Variants in ARHGAP10 observed in about 807,000 individuals in gnomAD.
The protein encoded by ARHGAP10 is Rho GTPase activating protein 10.
A neutral mutation model predicts 108.6 loss-of-function variants in ARHGAP10; 87 were observed. That is an observed-to-expected ratio of 0.80 (90% CI 0.67 to 0.96). The LOEUF (loss-of-function observed/expected upper bound fraction) is 0.96, where lower values mean the gene tolerates loss of function less well. ARHGAP10 is among the 40% of genes least tolerant of loss of function. The pLI is 0.00. For synonymous variants in ARHGAP10, 347 were observed against 341.1 expected (o/e 1.02, Z -0.19); for missense variants, 939 against 954.5 (o/e 0.98, Z 0.21).
intron 18 of ARHGAP10, among the ~76,000 whole-genome samples, chr4:148,018,572 CAA>C (rs397995742): frequency 2.3e-4 from 17 of 75,396 alleles, no homozygotes; most frequent in African/African-American, 2.3e-4. Context: ...TTTGTATCCA[CAA>C]AAAAAAAAAA....
At chr4:148,019,271 C>A (rs1252805198) in intron 18 of ARHGAP10, among the ~76,000 whole-genome samples, 1 of 152,162 alleles carries the variant, frequency 6.6e-6, no homozygotes, top group East Asian at 1.9e-4. Context: ...GGTCTGAATT[C>A]ATTTTTGTAA....
chr4:147,767,194 A>G lies in ARHGAP10; in HGVS notation c.154+34739A>G, dbSNP rs181366745. Among the ~76,000 whole-genome samples, 87 of 152,240 alleles carry G rather than the reference A, an allele frequency of 5.7e-4. 1 individual carries two copies. Among genetic ancestry groups the G allele is most frequent in the Admixed American group, 4.6e-4 (7 of 15,284 alleles). On this transcript the variant is annotated intron_variant, in intron 1 of 22. Transcript: ENST00000336498. The stretch of plus-strand genomic sequence containing the variant: ...AATCCAGCAGCAAAGAAATCTGTTC[A>G]GCTTTGTTTAAACCCATCAGTTCCT...
At chr4:147,840,338 T>G (rs983306912) in intron 3 of ARHGAP10, among the ~76,000 whole-genome samples, 1 of 152,092 alleles carries the variant, frequency 6.6e-6, no homozygotes, top group Non-Finnish European at 1.5e-5. Context: ...CAGTACCCAT[T>G]TAAATATTTA....
chr4:148,064,371 T>C, intron 21 of ARHGAP10, 45 bp from the exon 22 acceptor site: 1 of 1,585,822 alleles, frequency 6.3e-7, no homozygotes, highest in Non-Finnish European at 8.6e-7. Flanking sequence ...TTCTCTCTGT[T>C]TTCCACATTT....
intron 13 of ARHGAP10, among the ~76,000 whole-genome samples, chr4:147,933,364 G>A (rs1267527712): frequency 3.3e-5 from 5 of 152,174 alleles, no homozygotes; most frequent in Non-Finnish European, 7.3e-5. Flanking sequence ...AAGTAGCTGG[G>A]ATTACAGGCA....
chr4:147,770,915 G>A (rs1280726455), intron 1 of ARHGAP10, among the ~76,000 whole-genome samples: 4 of 152,162 alleles, frequency 2.6e-5, no homozygotes, highest in Admixed American at 1.3e-4. Flanking sequence ...GGTTTCCTCT[G>A]AGGCACCTCT....
chr4:148,055,919 T>G (rs1379246796), intron 20 of ARHGAP10, among the ~76,000 whole-genome samples: 1 of 152,032 alleles, frequency 6.6e-6, no homozygotes, highest in Non-Finnish European at 1.5e-5. Context: ...CCATCCGAAT[T>G]GTCTTCATCT....
rs1370755135 is a variant in ARHGAP10, at chr4:147,832,135, C to T, written c.312+9178C>T. Among the ~76,000 whole-genome samples the T allele has an allele frequency of 2.0e-5, 3 of 152,050 alleles. No homozygotes were observed. The East Asian group carries it at 5.8e-4, about 29-fold the overall frequency. ...ACACACAAGGGACCCTAGAATGTAA[C>T]CAGCCCATTTAATTGTCTAATCCAG... On this transcript the variant is annotated intron_variant, in intron 3 of 22. Coordinates refer to ENST00000336498, the MANE Select transcript of ARHGAP10 (RefSeq NM_024605.4).
At chr4:147,903,083 T>G (rs1263177182) in intron 10 of ARHGAP10, among the ~76,000 whole-genome samples, 2 of 152,150 alleles carry the variant, frequency 1.3e-5, no homozygotes, top group East Asian at 3.9e-4. Flanking sequence ...TACATGAGAT[T>G]TGGGTGGGGA....
intron 20 of ARHGAP10, among the ~76,000 whole-genome samples, chr4:148,058,491 C>A (rs1317625955): frequency 6.6e-6 from 1 of 152,186 alleles, no homozygotes; most frequent in Non-Finnish European, 1.5e-5. Flanking sequence ...CTGCCCAAAG[C>A]CTGACCTGTG....
intron 5 of ARHGAP10, chr4:147,860,940 A>G (rs550162002): frequency 6.6e-6 from 1 of 152,390 alleles, no homozygotes; most frequent in Admixed American, 6.5e-5. Flanking sequence ...TTGGACGTCC[A>G]TGGCATTCTT....
chr4:147,750,719 A>G, intron 1 of ARHGAP10, among the ~76,000 whole-genome samples: 1 of 151,320 alleles, frequency 6.6e-6, no homozygotes, highest in Non-Finnish European at 1.5e-5. Context: ...CTCCTGCCTC[A>G]GCCTCCTGAG....
At chr4:147,823,759 A>AAAAAAAGAAAAAACAAAAC (rs1172039585) in intron 3 of ARHGAP10, among the ~76,000 whole-genome samples, 1 of 152,160 alleles carries the variant, frequency 6.6e-6, no homozygotes, top group Non-Finnish European at 1.5e-5. Flanking sequence ...CCTGTCTCAA[A>AAAAAAAGAAAAAACAAAAC]AAAAAAGAAA....
At chr4:147,802,849 G>A (rs891774209) in intron 1 of ARHGAP10, among the ~76,000 whole-genome samples, 5 of 152,112 alleles carry the variant, frequency 3.3e-5, no homozygotes, top group Admixed American at 6.6e-5. Context: ...CTGTTTTGCC[G>A]GTATCCCTTC....
intron 1 of ARHGAP10, among the ~76,000 whole-genome samples, chr4:147,790,080 C>T (rs1205781783): frequency 6.8e-6 from 1 of 146,916 alleles, no homozygotes; most frequent in Non-Finnish European, 1.5e-5. Context: ...GCTCCAACAA[C>T]AGACATTTAG....
At position 148,054,354 on chromosome 4, in the gene ARHGAP10, G is replaced by A. The variant is rs964778000; in HGVS notation, c.2027+7303G>A. The stretch of plus-strand genomic sequence containing the variant: ...CTTAGCAAGATTATCTGTAAAAGGG[G>A]AATAATAACATCTGCCCCTCTGGGC... On this transcript the variant is annotated intron_variant, in intron 20 of 22. Coordinates refer to ENST00000336498, the MANE Select transcript of ARHGAP10 (RefSeq NM_024605.4). Among the ~76,000 whole-genome samples, 9 of 152,210 alleles carry A rather than the reference G, an allele frequency of 5.9e-5. No individual in the cohort carries two copies. The South Asian group carries it at 1.9e-3, about 32-fold the overall frequency.
At chr4:147,997,912 C>G (rs1440126852) in intron 18 of ARHGAP10, among the ~76,000 whole-genome samples, 1 of 152,138 alleles carries the variant, frequency 6.6e-6, no homozygotes, top group Non-Finnish European at 1.5e-5. Flanking sequence ...TTAAAACTTT[C>G]ATGTTTCATG....
intron 1 of ARHGAP10, among the ~76,000 whole-genome samples, chr4:147,790,546 T>G (rs1385089346): frequency 6.6e-6 from 1 of 152,214 alleles, no homozygotes; most frequent in Non-Finnish European, 1.5e-5. Flanking sequence ...GATTAATAAT[T>G]CGACTTTTTT....
intron 15 of ARHGAP10, among the ~76,000 whole-genome samples, chr4:147,953,757 G>T: frequency 6.6e-6 from 1 of 151,596 alleles, no homozygotes; most frequent in South Asian, 2.1e-4. Context: ...ATTGATTTCT[G>T]CTTGATTTTT....
Sources: allele counts gnomAD v4.1 joint callset (sites outside exome capture counted in the v4.1 genomes callset), GRCh38; gene constraint gnomAD v4.1.1; transcripts MANE v1.5; gene names NCBI Gene and HGNC (gene_info 2026-07-23, HGNC 2026-07-21).